Variants in DCBLD2 observed in about 807,000 individuals in gnomAD.
DCBLD2 encodes the protein discoidin, CUB and LCCL domain containing 2, also known as discoidin, CUB and LCCL domain-containing protein 2.
In DCBLD2, 54 loss-of-function variants were observed where a neutral mutation model predicts 86.8. The ratio of observed to expected loss-of-function variants is 0.62; its 90% CI spans 0.50 to 0.78. The LOEUF (loss-of-function observed/expected upper bound fraction) is 0.78, where lower values mean the gene tolerates loss of function less well. DCBLD2 is among the 30% of genes least tolerant of loss of function. The pLI, the probability that DCBLD2 is intolerant of heterozygous loss-of-function variation, is 0.00. For missense variants in DCBLD2, 908 were observed against 954.2 expected (o/e 0.95, Z 0.64); for synonymous variants, 354 against 341.3 (o/e 1.04, Z -0.41).
At chr3:98,883,444 T>C (rs1435912974) in intron 1 of DCBLD2, among the ~76,000 whole-genome samples, 1 of 152,220 alleles carries the variant, frequency 6.6e-6, no homozygotes, top group Non-Finnish European at 1.5e-5. Context: ...ATGACCTTTA[T>C]ATATTGGCAG....
At chr3:98,809,451 G>A (rs1020535865) in intron 12 of DCBLD2, among the ~76,000 whole-genome samples, 2 of 151,940 alleles carry the variant, frequency 1.3e-5, no homozygotes, top group African/African-American at 2.4e-5. Flanking sequence ...AGGGGAACCA[G>A]GGCACAGGTG....
Position 98,864,589 on chromosome 3 carries a change from C to G in DCBLD2, c.434-14991G>C, listed in dbSNP as rs1339407484. Among the ~76,000 whole-genome samples, 3 of 152,104 alleles carry G rather than the reference C, an allele frequency of 2.0e-5. No individual in the cohort carries two copies. The South Asian group carries it at 6.2e-4, about 31-fold the overall frequency. On this transcript the variant is annotated intron_variant, in intron 2 of 15. Transcript: ENST00000326840. The stretch of plus-strand genomic sequence containing the variant: ...TGAAGCTGGAAACCATCATTCTCAG[C>G]AAACTATCGCAAGAACAAAAAACCA...
chr3:98,845,611 A>G (rs545145113), intron 3 of DCBLD2, among the ~76,000 whole-genome samples: 14 of 152,188 alleles, frequency 9.2e-5, no homozygotes, highest in Admixed American at 2.0e-4. Flanking sequence ...ATAAACAAAA[A>G]CATAAATCCA....
intron 1 of DCBLD2, among the ~76,000 whole-genome samples, chr3:98,893,092 G>C (rs1943691245): frequency 1.3e-5 from 2 of 151,998 alleles, no homozygotes; most frequent in Non-Finnish European, 2.9e-5. Context: ...AAAGGGAAGA[G>C]GGATGGAAAA....
intron 7 of DCBLD2, among the ~76,000 whole-genome samples, chr3:98,819,869 T>C (rs1410045317): frequency 6.6e-6 from 1 of 152,194 alleles, no homozygotes. Flanking sequence ...TTATCATCAA[T>C]CTCTCACTAC....
chr3:98,832,542 G>A (rs1279666511), intron 3 of DCBLD2, among the ~76,000 whole-genome samples: 3 of 152,148 alleles, frequency 2.0e-5, no homozygotes, highest in Non-Finnish European at 4.4e-5. Context: ...ACTGGTGTGT[G>A]TACTTGAGTG....
At chr3:98,841,683 C>T (rs573785796) in intron 3 of DCBLD2, among the ~76,000 whole-genome samples, 3 of 152,168 alleles carry the variant, frequency 2.0e-5, no homozygotes, top group African/African-American at 7.2e-5. Context: ...GTAGCCATCA[C>T]TTACCACAAT....
At chr3:98,864,703 G>A (rs1943110762) in intron 2 of DCBLD2, among the ~76,000 whole-genome samples, 1 of 152,204 alleles carries the variant, frequency 6.6e-6, no homozygotes, top group East Asian at 1.9e-4. Flanking sequence ...GGGGCCTGTT[G>A]TGGGGTGGGT....
At chr3:98,865,271 C>G (rs980895618) in intron 2 of DCBLD2, among the ~76,000 whole-genome samples, 33 of 151,656 alleles carry the variant, frequency 2.2e-4, no homozygotes, top group African/African-American at 6.8e-4. Flanking sequence ...CAACAGAGTA[C>G]TATTCAGCCT....
At chr3:98,819,973 T>G (rs56075614) in intron 7 of DCBLD2, among the ~76,000 whole-genome samples, 21,662 of 152,228 alleles carry the variant, frequency 0.14, 1,575 homozygotes, top group Middle Eastern at 0.18. Context: ...AGGCACTCAG[T>G]AAGTATTTTC....
intron 2 of DCBLD2, among the ~76,000 whole-genome samples, chr3:98,878,886 A>C (rs566196192): frequency 6.6e-6 from 1 of 152,326 alleles, no homozygotes; most frequent in African/African-American, 2.4e-5. Context: ...GCAAAGTATT[A>C]CTTCTTTTAA....
intron 13 of DCBLD2, among the ~76,000 whole-genome samples, chr3:98,803,677 G>C (rs551807443): frequency 6.6e-6 from 1 of 152,136 alleles, no homozygotes. Context: ...TATTGGCTGT[G>C]GGTTTGTCAT....
At chr3:98,860,446 A>G (rs1319775079) in intron 2 of DCBLD2, among the ~76,000 whole-genome samples, 2 of 147,048 alleles carry the variant, frequency 1.4e-5, no homozygotes, top group African/African-American at 5.1e-5. Context: ...GTTGAAATGA[A>G]GGAAAAAATG....
chr3:98,798,933 T>C lies in DCBLD2; in HGVS notation c.*439A>G, dbSNP rs993036647. 1 of 154,766 alleles carries C rather than the reference T, an allele frequency of 6.5e-6. No homozygotes were observed. Among genetic ancestry groups the C allele is most frequent in the African/African-American group, 2.4e-5 (1 of 41,464 alleles). The allele number at this position is 154,766 out of a possible 1,614,324, so 9.6% of individuals were successfully genotyped here. The stretch of plus-strand genomic sequence containing the variant: ...AATATAGGAATAGAAGAGGAAATCA[T>C]GATAGTACCCATCTTTCACAAACAG... On this transcript the variant is annotated 3_prime_UTR_variant, in exon 16 of 16. Coordinates refer to ENST00000326840, the MANE Select transcript of DCBLD2 (RefSeq NM_080927.4).
At position 98,812,730 on chromosome 3, in the gene DCBLD2, TAAC is replaced by T; in HGVS notation, c.1213-251_1213-249del. On this transcript the variant is annotated intron_variant, in intron 9 of 15. Transcript: ENST00000326840. ...ATGATTTTAAGATGATTTAAGAACT[TAAC>T]AAGAGGGCTAACTTGGCATTTGGGT... 3 of 316,258 alleles carry T rather than the reference TAAC, an allele frequency of 9.5e-6. No homozygotes were observed. The South Asian group carries it at 1.4e-4, about 15-fold the overall frequency. The allele number at this position is 316,258 out of a possible 1,614,324, so 19.6% of individuals were successfully genotyped here.
chr3:98,870,785 GAAA>G (rs1559794588), intron 2 of DCBLD2, among the ~76,000 whole-genome samples: 16 of 150,538 alleles, frequency 1.1e-4, no homozygotes, highest in African/African-American at 2.7e-4. Context: ...AAGAAAGAAA[GAAA>G]GAAAGAAAGA....
chr3:98,839,147 C>CTT (rs1411211768), intron 3 of DCBLD2, among the ~76,000 whole-genome samples: 1 of 4,190 alleles, frequency 2.4e-4, no homozygotes, highest in Non-Finnish European at 6.0e-3. Context: ...TTCCTTCCTT[C>CTT]TTTCTTTCTT....
At chr3:98,802,142 C>A (rs182197939) in intron 13 of DCBLD2, among the ~76,000 whole-genome samples, 7 of 152,326 alleles carry the variant, frequency 4.6e-5, no homozygotes, top group Non-Finnish European at 7.3e-5. Flanking sequence ...CTGTCTTCCA[C>A]AATGGTTGAA....
chr3:98,822,026 A>G, intron 6 of DCBLD2: 1 of 668,782 alleles, frequency 1.5e-6, no homozygotes, highest in Non-Finnish European at 2.7e-6. Context: ...AGCCTGGGCA[A>G]TGAGAGCGAA....
Sources: gnomAD v4.1 joint callset for allele counts (sites outside exome capture counted in the v4.1 genomes callset) on GRCh38, gnomAD v4.1.1 for gene constraint, MANE v1.5 for transcripts, NCBI Gene and HGNC (gene_info 2026-07-23, HGNC 2026-07-21) for gene names.